WAS: variants seen among roughly 807,000 people sequenced by gnomAD.
WAS encodes the protein actin nucleation-promoting factor WAS.
A neutral mutation model predicts 38.9 loss-of-function variants in WAS; 1 was observed. The ratio of observed to expected loss-of-function variants is 0.03; its 90% CI spans 0.01 to 0.12. The LOEUF (loss-of-function observed/expected upper bound fraction) is 0.12. Among genes scored for constraint, WAS ranks in the 10% least tolerant of loss-of-function variants. WAS has a pLI of 1.00. For missense variants in WAS, 311 were observed against 431.2 expected (o/e 0.72, Z 2.47); for synonymous variants, 182 against 173.6 (o/e 1.05, Z -0.38).
intron 11 of WAS, 164 bp downstream of exon 11, chrX:48,689,598 A>T: frequency 2.1e-6 from 1 of 478,954 alleles, no homozygotes; most frequent in Non-Finnish European, 3.7e-6. Context: ...ACATTAAGTC[A>T]TTATGTGACA....
upstream of WAS, among the ~76,000 whole-genome samples, chrX:48,681,957 T>A (rs888712515): frequency 2.1e-4 from 23 of 111,392 alleles, no homozygotes; most frequent in African/African-American, 6.9e-4. Flanking sequence ...CCTGCTCAGC[T>A]CCCCCAAACT....
Position 48,688,817 on chromosome X carries a change from C to A in WAS, c.1089C>A (p.Gly363=). The A allele has an allele frequency of 9.0e-7, 1 of 1,116,977 alleles. No homozygotes were observed. The highest frequency in any genetic ancestry group is 1.2e-6 in the Non-Finnish European group (1 of 840,625). 92.1% of individuals were successfully genotyped at this position (1,116,977 alleles called of 1,213,427 possible). A position where few individuals can be genotyped will look rare whatever the true frequency, so the allele number is the denominator to read the frequency against. ...CACCCCGGGGACCCCCACCCCCAGG[C>A]CGAGGGGGCCCTCCACCACCACCCC... ...PPTPRGPPPP[G]RGGPPPPPPP... Residue 363 remains glycine, a synonymous_variant, in exon 10 of 12, where the codon GGC becomes GGA. Coordinates refer to ENST00000376701, the MANE Select transcript of WAS (RefSeq NM_000377.3).
chrX:48,679,383 C>T (rs2062396776), upstream of WAS, among the ~76,000 whole-genome samples: 1 of 111,992 alleles, frequency 8.9e-6, no homozygotes, highest in African/African-American at 3.2e-5. Flanking sequence ...ACATTTTACA[C>T]TTGTCTGCTA....
rs2062419182 is a variant in WAS at position 48,686,132 on chromosome X, G to C, written c.557G>C (p.Gly186Ala). The change falls in exon 6 of 12, where the codon GGA becomes GCA. Residue 186 changes from glycine to alanine, a missense_variant and splice_region_variant. Transcript: ENST00000376701. ...PLPLHPGGDQ[G>A]GPPVGPLSLG... ...CCCCTGCATCCAGGTGGAGACCAAG[G>C]AGGTGCGTGCTGATTCTTCCCTGTG... 1 of 1,210,826 alleles carries C rather than the reference G, an allele frequency of 8.3e-7. No homozygotes were observed. The highest frequency in any genetic ancestry group is 1.1e-6 in the Non-Finnish European group (1 of 895,300).
At chrX:48,689,758 G>T (rs1324544699) in intron 11 of WAS, among the ~76,000 whole-genome samples, 1 of 110,605 alleles carries the variant, frequency 9.0e-6, no homozygotes. Context: ...ACTTTGGGAG[G>T]CTAAGGCAGG....
intron 11 of WAS, among the ~76,000 whole-genome samples, chrX:48,690,837 T>C (rs782810555): frequency 1.8e-5 from 2 of 112,228 alleles, no homozygotes; most frequent in East Asian, 2.8e-4. Context: ...GCTAATATTA[T>C]TTAAATTCAC....
chrX:48,688,326 G>T lies in WAS; in HGVS notation c.804G>T (p.Arg268=). ...TGAACAACCTCGACCCAGATCTGCG[G>T]AGTCTGTTCTCCAGGGCAGGAATCA... ...FDVNNLDPDL[R]SLFSRAGISE... Residue 268 remains arginine (R), a synonymous_variant, in exon 9 of 12, where the codon CGG becomes CGT. Coordinates refer to ENST00000376701, the MANE Select transcript of WAS (RefSeq NM_000377.3). The T allele has an allele frequency of 8.3e-7, 1 of 1,208,323 alleles. No individual in the cohort carries two copies. Among genetic ancestry groups the T allele is most frequent in the Non-Finnish European group, 1.1e-6 (1 of 893,746 alleles).
chrX:48,681,549 C>T (rs901380132), upstream of WAS, among the ~76,000 whole-genome samples: 1 of 112,660 alleles, frequency 8.9e-6, no homozygotes. Flanking sequence ...CCTCTGGAAC[C>T]ACTGAATCAA....
At chrX:48,689,618 T>G in intron 11 of WAS, 184 bp downstream of exon 11, 1 of 462,339 alleles carries the variant, frequency 2.2e-6, no homozygotes, top group Non-Finnish European at 3.9e-6. Flanking sequence ...AATAATATAA[T>G]TAACTCCAAC....
chrX:48,686,568 T>C (rs2062420595), intron 6 of WAS, among the ~76,000 whole-genome samples: 1 of 112,400 alleles, frequency 8.9e-6, no homozygotes, highest in South Asian at 3.6e-4. Context: ...TGATAAAGCA[T>C]GAGGGAATGA....
At chrX:48,690,257 T>C (rs1557007577) in intron 11 of WAS, among the ~76,000 whole-genome samples, 2 of 108,958 alleles carry the variant, frequency 1.8e-5, no homozygotes, top group African/African-American at 6.7e-5. Context: ...CCAAAGTAGC[T>C]GGGACTACAG....
Position 48,691,129 on chromosome X carries a change from C to T in WAS, c.1476C>T (p.Gly492=), listed in dbSNP as rs1161895393. The change falls in exon 12 of 12, where the codon GGC becomes GGT. Residue 492 remains glycine (G), a synonymous_variant. Transcript: ENST00000376701. ...CAGACGAAGGGGAGGACCAGGCTGG[C>T]GATGAAGATGAAGATGATGAATGGG... is the stretch of plus-strand genomic sequence containing the variant. ...HSSDEGEDQA[G]DEDEDDEWDD The T allele has an allele frequency of 9.1e-6, 11 of 1,207,934 alleles. No individual in the cohort carries two copies. The highest frequency in any genetic ancestry group is 2.2e-5 in the Admixed American group (1 of 45,426).
rs368143764 is a variant in WAS at position 48,691,071 on chromosome X, C to T, written c.1454-36C>T. The T allele has an allele frequency of 6.7e-6, 8 of 1,197,944 alleles. No homozygotes were observed. In the African/African-American group the frequency reaches 1.2e-4, roughly 19 times the overall value. ...CAGGCCCTATGAAGCCCCCCACCAA[C>T]CTCCCAGGGCATCTTATCTTTCTCT... On this transcript the variant is annotated intron_variant, in intron 11 of 11. Transcript: ENST00000376701.
intron 1 of WAS, 108 bp downstream of exon 1, chrX:48,684,093 C>A: frequency 9.0e-7 from 1 of 1,107,929 alleles, no homozygotes; most frequent in African/African-American, 1.8e-5. Context: ...TCTCCATCAT[C>A]TCCTCTCCTA....
At chrX:48,688,224 C>G in intron 8 of WAS, 76 bp from the exon 9 acceptor site, 1 of 1,162,524 alleles carries the variant, frequency 8.6e-7, no homozygotes, top group South Asian at 1.9e-5. Flanking sequence ...TGGGATGGAC[C>G]CAACGACAAT....
chrX:48,686,975 G>A lies in WAS; in HGVS notation c.734+20G>A. 3 of 1,192,761 alleles carry A rather than the reference G, an allele frequency of 2.5e-6. No individual in the cohort carries two copies. The highest frequency in any genetic ancestry group is 2.4e-4 in the Middle Eastern group (1 of 4,136). ...ATTCAAGTGAGAGCCACTCCCCAGT[G>A]GACCCACAGATTCCTGGGGGCAGAG... On this transcript the variant is annotated intron_variant, in intron 7 of 11. Coordinates refer to ENST00000376701, the MANE Select transcript of WAS (RefSeq NM_000377.3).
In WAS at chrX:48,691,309, C is replaced by T. The variant is rs1290373741; in HGVS notation, c.*147C>T. The T allele has an allele frequency of 3.7e-6, 2 of 542,130 alleles. No homozygotes were observed. The highest frequency in any genetic ancestry group is 5.5e-5 in the Admixed American group (2 of 36,066). 44.7% of individuals were successfully genotyped at this position (542,130 alleles called of 1,213,427 possible). A position where few individuals can be genotyped will look rare whatever the true frequency, so the allele number is the denominator to read the frequency against. The stretch of plus-strand genomic sequence containing the variant: ...AACCCCTCCAATGCTGTTATCCCTG[C>T]CTGGTCCTCACACTCACCCAACAAT... On this transcript the variant is annotated 3_prime_UTR_variant, in exon 12 of 12. Coordinates refer to ENST00000376701, the MANE Select transcript of WAS (RefSeq NM_000377.3).
chrX:48,682,465 TTAAGA>T (rs1197868363), upstream of WAS, among the ~76,000 whole-genome samples: 4 of 112,094 alleles, frequency 3.6e-5, no homozygotes, highest in Non-Finnish European at 5.6e-5. Flanking sequence ...TATGTGAGTG[TTAAGA>T]TAAAACTAGG....
chrX:48,691,256 GC>G lies in WAS; in HGVS notation c.*99del. ...CCCACCCTCCACTCTCCTCTTCCAG[GC>G]CCCCAACCCCCCATTTCTTCCCCAC... On this transcript the variant is annotated 3_prime_UTR_variant, in exon 12 of 12. Coordinates refer to ENST00000376701, the MANE Select transcript of WAS (RefSeq NM_000377.3). 2.2e-6 allele frequency: 2 copies of G among 890,825 alleles called. No individual in the cohort carries two copies. Among genetic ancestry groups the G allele is most frequent in the Non-Finnish European group, 3.2e-6 (2 of 617,262 alleles). 73.4% of individuals were successfully genotyped at this position (890,825 alleles called of 1,213,427 possible). A position where few individuals can be genotyped will look rare whatever the true frequency, so the allele number is the denominator to read the frequency against.
Sources: gnomAD v4.1 joint callset for allele counts (sites outside exome capture counted in the v4.1 genomes callset) on GRCh38, gnomAD v4.1.1 for gene constraint, MANE v1.5 for transcripts, NCBI Gene and HGNC (gene_info 2026-07-23, HGNC 2026-07-21) for gene names.